AIF1L: variants seen among roughly 807,000 people sequenced by gnomAD.
The protein encoded by AIF1L is allograft inflammatory factor 1 like, also known as allograft inflammatory factor 1-like.
Under a neutral mutation model 20.7 loss-of-function variants are expected in AIF1L, and 12 were observed. The ratio of observed to expected loss-of-function variants is 0.58; its 90% confidence interval spans 0.37 to 0.94. The LOEUF (loss-of-function observed/expected upper bound fraction) is 0.94. AIF1L is among the 40% of genes least tolerant of loss of function. The pLI, the probability that AIF1L is intolerant of heterozygous loss-of-function variation, is 0.01. For synonymous variants in AIF1L, 76 were observed against 65.1 expected, an observed-to-expected ratio of 1.17 and a Z score of -0.81; for missense variants, 173 against 185.3, an observed-to-expected ratio of 0.93 and a Z score of 0.39.
At chr9:131,107,203 C>A (rs927174484) in intron 2 of AIF1L, among the ~76,000 whole-genome samples, 5 of 152,222 alleles carry the variant, frequency 3.3e-5, no homozygotes, top group Admixed American at 6.5e-5. Flanking sequence ...GGGTGCACAG[C>A]TAGTGCAGGG....
intron 2 of AIF1L, among the ~76,000 whole-genome samples, chr9:131,099,806 A>C (rs1409584561): frequency 6.7e-6 from 1 of 149,852 alleles, no homozygotes; most frequent in Non-Finnish European, 1.5e-5. Flanking sequence ...AGTTCACTGC[A>C]ACCTCCGCCT....
intron 2 of AIF1L, among the ~76,000 whole-genome samples, chr9:131,100,955 T>A (rs1018928653): frequency 6.6e-6 from 1 of 152,164 alleles, no homozygotes; most frequent in African/African-American, 2.4e-5. Flanking sequence ...TGGAGTGCAG[T>A]GGCGTGATCT....
Position 131,117,753 on chromosome 9 carries a change from C to A in AIF1L, c.203-3C>A, listed in dbSNP as rs1222019507. On this transcript the variant is annotated splice_region_variant and splice_polypyrimidine_tract_variant and intron_variant, in intron 4 of 5. Coordinates refer to ENST00000247291, the MANE Select transcript of AIF1L (RefSeq NM_031426.4). ...CTTAACAGATCTGCTTTTCCCCCGG[C>A]AGACCTGATGTCTTTAAAGAGGATG... 8 of 1,605,324 alleles carry A rather than the reference C, an allele frequency of 5.0e-6. No individual in the cohort carries two copies. The highest frequency in any genetic ancestry group is 6.8e-6 in the Non-Finnish European group (8 of 1,176,356).
At chr9:131,098,498 G>A (rs1428538828) in intron 2 of AIF1L, among the ~76,000 whole-genome samples, 1 of 152,178 alleles carries the variant, frequency 6.6e-6, no homozygotes, top group East Asian at 1.9e-4. Context: ...CGGGTTCTGA[G>A]CTGGCTGGAG....
intron 2 of AIF1L, among the ~76,000 whole-genome samples, chr9:131,100,989 C>A (rs996102692): frequency 1.3e-5 from 2 of 152,134 alleles, no homozygotes; most frequent in Admixed American, 6.5e-5. Context: ...CCTCCACCCC[C>A]TAAGTTTACG....
At position 131,117,741 on chromosome 9, in the gene AIF1L, C is replaced by T; in HGVS notation, c.203-15C>T. 6.3e-7 allele frequency: 1 copy of T among 1,598,004 alleles called. No individual in the cohort carries two copies. The highest frequency in any genetic ancestry group is 8.5e-7 in the Non-Finnish European group (1 of 1,172,668). On this transcript the variant is annotated splice_polypyrimidine_tract_variant and intron_variant, in intron 4 of 5. Coordinates refer to ENST00000247291, the MANE Select transcript of AIF1L (RefSeq NM_031426.4). Reference sequence around the variant, plus strand: ...AGCCCATCTCCACTTAACAGATCTGCTTTTCCCCCGGCAGACCTGATGTCT... The same window carrying T: ...AGCCCATCTCCACTTAACAGATCTGTTTTTCCCCCGGCAGACCTGATGTCT...
At chr9:131,114,753 C>T in intron 4 of AIF1L, 135 bp downstream of exon 4, 1 of 1,134,820 alleles carries the variant, frequency 8.8e-7, no homozygotes, top group African/African-American at 1.5e-5. Context: ...CAGCCCCAGC[C>T]CCTTGCCTTC....
rs554146562 is a variant in AIF1L, at chr9:131,120,205, CTTTT to C, written c.366-26_366-23del. The C allele has an allele frequency of 9.6e-5, 154 of 1,602,796 alleles. 1 individual carries two copies. In the South Asian group the frequency reaches 1.6e-3, roughly 16 times the overall value. ...AAGGATCCTAATCTTGTTTTTCTTT[CTTTT>C]TTTCTTTTCTCCATCTCCAAACCAG... is the stretch of plus-strand genomic sequence containing the variant. On this transcript the variant is annotated intron_variant, in intron 5 of 5. Coordinates refer to ENST00000247291, the MANE Select transcript of AIF1L (RefSeq NM_031426.4).
At chr9:131,118,549 C>CA (rs796356693) in intron 5 of AIF1L, among the ~76,000 whole-genome samples, 2 of 139,260 alleles carry the variant, frequency 1.4e-5, no homozygotes, top group Non-Finnish European at 3.1e-5. Flanking sequence ...CTTAGTTTTC[C>CA]TTTTTTTTTT....
In AIF1L at chr9:131,106,268, AAGTTAGTTAACCT is replaced by A. The variant is rs1336571424; in HGVS notation, c.94-5328_94-5316del. 3 of 1,518,486 alleles carry A rather than the reference AAGTTAGTTAACCT, an allele frequency of 2.0e-6. No homozygotes were observed. In the African/African-American group the frequency reaches 4.1e-5, roughly 21 times the overall value. The allele number at this position is 1,518,486 out of a possible 1,614,324, so 94.1% of individuals were successfully genotyped here. A position where few individuals can be genotyped will look rare whatever the true frequency, so the allele number is the denominator to read the frequency against. On this transcript the variant is annotated intron_variant, in intron 2 of 5. Coordinates refer to ENST00000247291, the MANE Select transcript of AIF1L (RefSeq NM_031426.4). ...GCTTGCTGGCTCTGCTGTTTCAGGC[AAGTTAGTTAACCT>A]GAGTCTCAACTCCTCCACTCATCCT...
chr9:131,113,578 C>T (rs946187621), intron 3 of AIF1L, among the ~76,000 whole-genome samples: 2 of 150,926 alleles, frequency 1.3e-5, no homozygotes, highest in Non-Finnish European at 2.9e-5. Flanking sequence ...CAAGTCCCAA[C>T]TCTGCCCTAG....
intron 2 of AIF1L, among the ~76,000 whole-genome samples, chr9:131,097,096 G>A (rs967464250): frequency 6.6e-6 from 1 of 151,754 alleles, no homozygotes; most frequent in Non-Finnish European, 1.5e-5. Context: ...CTTGCAACTG[G>A]GGACTGGGGA....
intron 2 of AIF1L, 75 bp from the exon 3 acceptor site, chr9:131,111,522 C>T (rs1256307433): frequency 1.0e-5 from 14 of 1,398,704 alleles, no homozygotes; most frequent in Non-Finnish European, 1.3e-5. Context: ...AGGGAAGGCC[C>T]CCGGACAGTG....
chr9:131,116,206 GC>G (rs1031039517), intron 4 of AIF1L, among the ~76,000 whole-genome samples: 1 of 151,926 alleles, frequency 6.6e-6, no homozygotes, highest in Non-Finnish European at 1.5e-5. Flanking sequence ...CTATTGGTCA[GC>G]CCGGCCAGAA....
At chr9:131,099,542 A>T (rs112757749) in intron 2 of AIF1L, among the ~76,000 whole-genome samples, 2 of 152,244 alleles carry the variant, frequency 1.3e-5, no homozygotes, top group African/African-American at 4.8e-5. Context: ...TAAGCCCAGG[A>T]TTCACTGCCA....
chr9:131,114,679 G>A, intron 4 of AIF1L, 61 bp downstream of exon 4: 2 of 1,594,984 alleles, frequency 1.3e-6, no homozygotes, highest in Non-Finnish European at 1.7e-6. Context: ...GGGCTTGAGG[G>A]ACCCTCTGTG....
intron 2 of AIF1L, chr9:131,098,094 T>C (rs1354691402): frequency 1.3e-5 from 2 of 152,494 alleles, no homozygotes; most frequent in Non-Finnish European, 2.9e-5. Flanking sequence ...TGGGGCCAGG[T>C]TGTGGTATTG....
intron 2 of AIF1L, among the ~76,000 whole-genome samples, chr9:131,103,360 C>T (rs992150685): frequency 7.2e-5 from 11 of 152,218 alleles, no homozygotes; most frequent in Non-Finnish European, 1.6e-4. Context: ...CGGAGGAGCA[C>T]AGCATGGTCG....
chr9:131,100,107 A>G (rs1481883722), intron 2 of AIF1L, among the ~76,000 whole-genome samples: 1 of 152,022 alleles, frequency 6.6e-6, no homozygotes, highest in Non-Finnish European at 1.5e-5. Context: ...CAGTGGCCCA[A>G]TCTCAGCTCA....
Sources: allele counts gnomAD v4.1 joint callset (sites outside exome capture counted in the v4.1 genomes callset), GRCh38; gene constraint gnomAD v4.1.1; transcripts MANE v1.5; gene names NCBI Gene and HGNC (gene_info 2026-07-23, HGNC 2026-07-21).